APLF: variants seen among roughly 807,000 people sequenced by gnomAD.
The protein encoded by APLF is aprataxin and PNKP like factor.
APLF carries 61 observed loss-of-function variants against 55.6 expected under a neutral mutation model. The ratio of observed to expected loss-of-function variants is 1.10; its 90% CI spans 0.89 to 1.36. The LOEUF is 1.36. APLF is among the 40% of genes most tolerant of loss of function. The probability of loss-of-function intolerance (pLI) is 0.00; values close to 1 mark genes in which losing one functional copy is unlikely to be tolerated. For missense variants in APLF, 611 were observed against 602.5 expected (o/e 1.01, Z -0.15); for synonymous variants, 207 against 214.8 (o/e 0.96, Z 0.32).
intron 1 of APLF, among the ~76,000 whole-genome samples, chr2:68,481,908 C>A (rs1675971583): frequency 6.6e-6 from 1 of 151,674 alleles, no homozygotes; most frequent in Non-Finnish European, 1.5e-5. Context: ...TTATTTTATT[C>A]TCTGAATTCC....
intron 3 of APLF, among the ~76,000 whole-genome samples, chr2:68,509,896 G>T (rs373511274): frequency 1.3e-4 from 19 of 151,856 alleles, no homozygotes; most frequent in Middle Eastern, 3.4e-3. Flanking sequence ...CCATAAAAAA[G>T]GATGAGTTCA....
At chr2:68,485,248 C>T (rs978429595) in intron 1 of APLF, among the ~76,000 whole-genome samples, 8 of 151,862 alleles carry the variant, frequency 5.3e-5, no homozygotes, top group East Asian at 3.8e-4. Flanking sequence ...TAATCTAGAA[C>T]GGTTTTCTTG....
At chr2:68,491,267 A>G (rs1676351768) in intron 2 of APLF, among the ~76,000 whole-genome samples, 1 of 152,210 alleles carries the variant, frequency 6.6e-6, no homozygotes, top group African/African-American at 2.4e-5. Context: ...TTACCATTAG[A>G]TATTCATCTC....
intron 1 of APLF, among the ~76,000 whole-genome samples, chr2:68,488,485 T>C (rs556475586): frequency 6.6e-6 from 1 of 151,974 alleles, no homozygotes; most frequent in South Asian, 2.1e-4. Context: ...TATAGGCACA[T>C]GCCCTCTGTC....
At chr2:68,526,512 T>C (rs1670057649) in intron 6 of APLF, among the ~76,000 whole-genome samples, 1 of 152,226 alleles carries the variant, frequency 6.6e-6, no homozygotes, top group Admixed American at 6.5e-5. Flanking sequence ...ATGAGGCTCA[T>C]GCTTACCATC....
intron 5 of APLF, among the ~76,000 whole-genome samples, chr2:68,519,088 TTAATATATAATAATA>T (rs1431688427): frequency 8.0e-6 from 1 of 125,710 alleles, no homozygotes; most frequent in Admixed American, 8.8e-5. Flanking sequence ...TAATATATAA[TTAATATATAATAATA>T]TAATATATAA....
rs543093556 is a variant in APLF, at chr2:68,498,423, TA to T, written c.169-4301del. Among the ~76,000 whole-genome samples the T allele has an allele frequency of 2.2e-4, 33 of 152,288 alleles. No individual in the cohort carries two copies. The South Asian group carries it at 6.6e-3, about 31-fold the overall frequency. Reference sequence around the variant, plus strand: ...TTGGAAATCCAAACTTACCACCAAATAAAAAAATAGCTTTGACAAGGAGAGT... The same window carrying T: ...TTGGAAATCCAAACTTACCACCAAATAAAAAATAGCTTTGACAAGGAGAGT... On this transcript the variant is annotated intron_variant, in intron 2 of 9. Transcript: ENST00000303795.
chr2:68,567,484 C>T (rs1671339574), intron 9 of APLF, 97 bp downstream of exon 9: 1 of 989,252 alleles, frequency 1.0e-6, no homozygotes, highest in Non-Finnish European at 1.5e-6. Context: ...TTTAAAATCT[C>T]TGCTTCTGTG....
In APLF at chr2:68,500,698, G is replaced by A. The variant is rs1676693401; in HGVS notation, c.169-2033G>A. On this transcript the variant is annotated intron_variant, in intron 2 of 9. Coordinates refer to ENST00000303795, the MANE Select transcript of APLF (RefSeq NM_173545.3). ...TCAGAGTTCAGACCAAAGCTATGTG[G>A]ATTCCTGTTCTGACTCTTGCTTCTC... Among the ~76,000 whole-genome samples, 3 of 152,186 alleles carry A rather than the reference G, an allele frequency of 2.0e-5. No homozygotes were observed. The South Asian group carries it at 6.2e-4, about 31-fold the overall frequency.
chr2:68,544,789 C>T (rs1322641005), intron 7 of APLF, among the ~76,000 whole-genome samples: 7 of 151,994 alleles, frequency 4.6e-5, no homozygotes, highest in South Asian at 2.1e-4. Context: ...ATGTTGGAAA[C>T]GTTCTGTTTT....
intron 1 of APLF, among the ~76,000 whole-genome samples, chr2:68,477,954 C>G (rs1271952140): frequency 6.6e-6 from 1 of 151,268 alleles, no homozygotes; most frequent in South Asian, 2.1e-4. Flanking sequence ...TGTTACAATA[C>G]AAGGTGAGAT....
intron 1 of APLF, among the ~76,000 whole-genome samples, chr2:68,473,721 G>A (rs1044424391): frequency 3.3e-5 from 5 of 152,064 alleles, no homozygotes; most frequent in African/African-American, 9.7e-5. Context: ...ATAGATGTGA[G>A]GTAAATCACT....
chr2:68,527,506 C>T (rs1335275076), intron 6 of APLF, among the ~76,000 whole-genome samples: 3 of 150,040 alleles, frequency 2.0e-5, no homozygotes, highest in Non-Finnish European at 4.4e-5. Flanking sequence ...TGGTGGGCAG[C>T]TGGGCAGAGG....
rs750288191 is a variant in APLF, at chr2:68,502,892, A to G, written c.330A>G (p.Gln110=). The G allele has an allele frequency of 1.2e-5, 20 of 1,602,626 alleles. No homozygotes were observed. In the South Asian group the frequency reaches 1.5e-4, roughly 12 times the overall value. ...CTATACCCTCTGAAGTGGAAATGCA[A>G]TGTACCTTAAGGTAAGTGCCTGATG... ...ILSIPSEVEM[Q]CTLRNSQVLD... The change falls in exon 3 of 10, where the codon CAA becomes CAG. Residue 110 remains glutamine (Q), a synonymous_variant. Transcript: ENST00000303795.
At chr2:68,541,291 CAAAATT>C (rs759133648) in intron 7 of APLF, among the ~76,000 whole-genome samples, 2 of 151,620 alleles carry the variant, frequency 1.3e-5, no homozygotes, top group African/African-American at 4.8e-5. Context: ...ATCAGTTGGA[CAAAATT>C]AAAATTAAAA....
chr2:68,492,410 G>A (rs1234435131), intron 2 of APLF, among the ~76,000 whole-genome samples: 4 of 152,110 alleles, frequency 2.6e-5, no homozygotes, highest in East Asian at 1.9e-4. Context: ...CCCGGGAGGC[G>A]GAGCTTGCAG....
At chr2:68,520,593 T>G (rs542962411) in intron 5 of APLF, among the ~76,000 whole-genome samples, 25 of 152,164 alleles carry the variant, frequency 1.6e-4, no homozygotes, top group South Asian at 2.1e-4. Context: ...ACTTTATATT[T>G]CTGTTTGCTG....
chr2:68,504,806 C>G (rs1676827319), intron 3 of APLF, among the ~76,000 whole-genome samples: 1 of 151,904 alleles, frequency 6.6e-6, no homozygotes, highest in Non-Finnish European at 1.5e-5. Flanking sequence ...ACAAAAGTGT[C>G]TATTATATGA....
Position 68,578,430 on chromosome 2 carries a change from G to T in APLF, c.*408G>T, listed in dbSNP as rs1671677778. 3.0e-6 allele frequency: 3 copies of T among 989,768 alleles called. No homozygotes were observed. Among genetic ancestry groups the T allele is most frequent in the Non-Finnish European group, 3.6e-6 (3 of 832,962 alleles). 61.3% of individuals were successfully genotyped at this position (989,768 alleles called of 1,614,324 possible). ...ACATGAAAACATGCCTCTTTTCATTGTTACTGAAGTAATTCTGTAAGCAGA... is the reference window on the plus strand; with the variant it reads ...ACATGAAAACATGCCTCTTTTCATTTTTACTGAAGTAATTCTGTAAGCAGA... On this transcript the variant is annotated 3_prime_UTR_variant, in exon 10 of 10. Transcript: ENST00000303795.
Sources: gnomAD v4.1 joint callset for allele counts (sites outside exome capture counted in the v4.1 genomes callset) on GRCh38, gnomAD v4.1.1 for gene constraint, MANE v1.5 for transcripts, NCBI Gene and HGNC (gene_info 2026-07-23, HGNC 2026-07-21) for gene names.